The following CCDC126 variants were observed in gnomAD, a reference collection of about 807,000 sequenced individuals.
The protein encoded by CCDC126 is coiled-coil domain containing 126, also known as coiled-coil domain-containing protein 126.
A neutral mutation model predicts 11.7 loss-of-function variants in CCDC126; 5 were observed. The observed-to-expected ratio is 0.43, with a 90% CI of 0.22 to 0.90. The LOEUF (loss-of-function observed/expected upper bound fraction) is 0.90. Among genes scored for constraint, CCDC126 ranks in the 40% least tolerant of loss-of-function variants. The pLI, the probability that CCDC126 is intolerant of heterozygous loss-of-function variation, is 0.27. For synonymous variants in CCDC126, 60 were observed against 61.9 expected (o/e 0.97, Z 0.14); for missense variants, 150 against 163.1 (o/e 0.92, Z 0.44).
chr7:23,622,612 G>A (rs1782934648), intron 3 of CCDC126: 1 of 536,138 alleles, frequency 1.9e-6, no homozygotes, highest in African/African-American at 1.9e-5. Flanking sequence ...AGTATTGAGT[G>A]GCTCTAAGGA....
At chr7:23,601,450 A>G (rs1782542422) in intron 2 of CCDC126, among the ~76,000 whole-genome samples, 1 of 152,230 alleles carries the variant, frequency 6.6e-6, no homozygotes, top group Admixed American at 6.5e-5. Context: ...AAATTTAACA[A>G]AACAAAATTG....
chr7:23,635,425 A>C (rs191835898), intron 3 of CCDC126, among the ~76,000 whole-genome samples: 31 of 152,364 alleles, frequency 2.0e-4, no homozygotes, highest in Admixed American at 9.8e-4. Flanking sequence ...TGCACATATA[A>C]TATTAATACA....
At position 23,628,530 on chromosome 7, in the gene CCDC126, C is replaced by G. The variant is rs1011654762; in HGVS notation, c.239-14401C>G. 3.4e-4 allele frequency among the ~76,000 whole-genome samples: 51 copies of G among 152,218 alleles called. 1 individual carries two copies. The highest frequency in any genetic ancestry group is 2.5e-4 in the Non-Finnish European group (17 of 68,044). On this transcript the variant is annotated intron_variant, in intron 3 of 3. Coordinates refer to ENST00000307471, the MANE Select transcript of CCDC126 (RefSeq NM_138771.4). Reference sequence around the variant, plus strand: ...GTTGCTGCACTACCAGCTACCTGATCAAAGGCCAAGTGGTAAGCCTAGACT... The same window carrying G: ...GTTGCTGCACTACCAGCTACCTGATGAAAGGCCAAGTGGTAAGCCTAGACT...
At position 23,611,407 on chromosome 7, in the gene CCDC126, A is replaced by G. The variant is rs1324302686; in HGVS notation, c.92A>G (p.His31Arg). 24 of 1,613,774 alleles carry G rather than the reference A, an allele frequency of 1.5e-5. No homozygotes were observed. The highest frequency in any genetic ancestry group is 5.3e-5 in the African/African-American group (4 of 74,932). Reference sequence around the variant, plus strand: ...CTCATTTGGGGATTGATGTTACTGCACTATACTTTTCAACAACCAAGACAT... The same window carrying G: ...CTCATTTGGGGATTGATGTTACTGCGCTATACTTTTCAACAACCAAGACAT... Reference protein sequence around the residue: ...FGLIWGLMLLHYTFQQPRHQS... With the variant: ...FGLIWGLMLLRYTFQQPRHQS... Residue 31 changes from histidine (H) to arginine (R), a missense_variant, in exon 3 of 4, where the codon CAC (histidine) becomes CGC (arginine). Physicochemically the swap from His to Arg is conservative, Grantham distance 29 (BLOSUM62 0). Coordinates refer to ENST00000307471, the MANE Select transcript of CCDC126 (RefSeq NM_138771.4).
Position 23,643,203 on chromosome 7 carries a change from C to T in CCDC126, c.*88C>T, listed in dbSNP as rs866545807. The stretch of plus-strand genomic sequence containing the variant: ...TTATAATTGCTGGCTTAGGACAGAG[C>T]AATACTTTACAATAAAAGCTCTACA... On this transcript the variant is annotated 3_prime_UTR_variant, in exon 4 of 4. Coordinates refer to ENST00000307471, the MANE Select transcript of CCDC126 (RefSeq NM_138771.4). 2 of 1,051,610 alleles carry T rather than the reference C, an allele frequency of 1.9e-6. No homozygotes were observed. The highest frequency in any genetic ancestry group is 2.7e-6 in the Non-Finnish European group (2 of 734,810). The allele number at this position is 1,051,610 out of a possible 1,614,324, so 65.1% of individuals were successfully genotyped here. A position where few individuals can be genotyped will look rare whatever the true frequency, so the allele number is the denominator to read the frequency against.
intron 2 of CCDC126, among the ~76,000 whole-genome samples, chr7:23,600,904 C>CT: frequency 6.6e-6 from 1 of 152,166 alleles, no homozygotes; most frequent in South Asian, 2.1e-4. Context: ...AGTAAGAGAT[C>CT]TTTTTATAGC....
At chr7:23,632,472 TAA>T (rs1263756676) in intron 3 of CCDC126, among the ~76,000 whole-genome samples, 1 of 152,130 alleles carries the variant, frequency 6.6e-6, no homozygotes, top group Non-Finnish European at 1.5e-5. Context: ...ATATACCAAA[TAA>T]ACAGATTAAT....
intron 3 of CCDC126, among the ~76,000 whole-genome samples, chr7:23,640,694 A>G (rs188131752): frequency 3.9e-5 from 6 of 152,198 alleles, no homozygotes; most frequent in Admixed American, 2.0e-4. Context: ...GTCTGTATAC[A>G]TATGCCTATT....
intron 2 of CCDC126, among the ~76,000 whole-genome samples, chr7:23,609,484 G>A (rs1782671269): frequency 6.6e-6 from 1 of 151,886 alleles, no homozygotes; most frequent in Admixed American, 6.6e-5. Context: ...TTCTAATTTT[G>A]TAGCTAATTT....
intron 3 of CCDC126, among the ~76,000 whole-genome samples, chr7:23,621,253 G>A (rs1303252968): frequency 2.0e-4 from 31 of 152,012 alleles, no homozygotes; most frequent in African/African-American, 3.4e-4. Context: ...CTTTTATTTC[G>A]TTGAGCAGTG....
chr7:23,622,137 A>T (rs951461481), intron 3 of CCDC126, among the ~76,000 whole-genome samples: 4 of 152,126 alleles, frequency 2.6e-5, no homozygotes, highest in Non-Finnish European at 5.9e-5. Context: ...AGTTGATTGG[A>T]ATAGTTTCAG....
intron 3 of CCDC126, among the ~76,000 whole-genome samples, chr7:23,636,315 GC>G (rs1421646935): frequency 6.6e-6 from 1 of 151,196 alleles, no homozygotes; most frequent in African/African-American, 2.4e-5. Context: ...TCTCTGCCTG[GC>G]CCCCCATCGT....
At chr7:23,597,677 C>T (rs1782445082) in intron 1 of CCDC126, 72 bp downstream of exon 1, 1 of 152,736 alleles carries the variant, frequency 6.5e-6, no homozygotes, top group Admixed American at 6.5e-5. Context: ...GCCGGCCGCT[C>T]CTCCCCCGCC....
intron 3 of CCDC126, among the ~76,000 whole-genome samples, chr7:23,634,833 C>T (rs1213549968): frequency 3.3e-5 from 5 of 152,158 alleles, no homozygotes; most frequent in Admixed American, 1.3e-4. Context: ...TGTTTTTCCA[C>T]GAGGTGACCT....
intron 3 of CCDC126, among the ~76,000 whole-genome samples, chr7:23,633,260 G>A (rs922138369): frequency 2.0e-5 from 3 of 152,172 alleles, no homozygotes; most frequent in Non-Finnish European, 4.4e-5. Context: ...CCAAAGTGCT[G>A]GGATTACAGG....
At chr7:23,603,648 C>T (rs751873483) in intron 2 of CCDC126, among the ~76,000 whole-genome samples, 1 of 152,172 alleles carries the variant, frequency 6.6e-6, no homozygotes, top group Non-Finnish European at 1.5e-5. Flanking sequence ...TAGGTTTCTT[C>T]TCAGGTTCTT....
chr7:23,639,204 T>C (rs1783308179), intron 3 of CCDC126, among the ~76,000 whole-genome samples: 1 of 150,728 alleles, frequency 6.6e-6, no homozygotes, highest in Non-Finnish European at 1.5e-5. Flanking sequence ...TTTTTTTTTT[T>C]TTTTTGAGAT....
chr7:23,604,832 TA>T (rs1439830517), intron 2 of CCDC126, among the ~76,000 whole-genome samples: 9 of 151,606 alleles, frequency 5.9e-5, no homozygotes, highest in Admixed American at 5.9e-4. Context: ...CCGTCTCTAC[TA>T]AAAAAATACA....
chr7:23,614,676 G>A (rs1773117271), intron 3 of CCDC126, among the ~76,000 whole-genome samples: 1 of 152,154 alleles, frequency 6.6e-6, no homozygotes, highest in African/African-American at 2.4e-5. Context: ...TTATCGATGG[G>A]CAGGAGAATG....
Sources: allele counts gnomAD v4.1 joint callset (sites outside exome capture counted in the v4.1 genomes callset), GRCh38; gene constraint gnomAD v4.1.1; transcripts MANE v1.5; gene names NCBI Gene and HGNC (gene_info 2026-07-23, HGNC 2026-07-21).